The following LRTM1 variants were observed in gnomAD, a reference collection of about 807,000 sequenced individuals.
The protein encoded by LRTM1 is leucine-rich repeat and transmembrane domain-containing protein 1.
In LRTM1, 38 loss-of-function variants were observed where a neutral mutation model predicts 32.4. That is an observed-to-expected ratio of 1.17 (90% CI 0.91 to 1.54). The LOEUF is 1.54. Ranked by LOEUF, LRTM1 falls within the 40% of genes most tolerant of loss-of-function variation. The pLI is 0.00. For synonymous variants in LRTM1, 186 were observed against 169.9 expected (o/e 1.09, Z -0.74); for missense variants, 466 against 415.4 (o/e 1.12, Z -1.06).
intron 1 of LRTM1, among the ~76,000 whole-genome samples, chr3:54,927,611 C>G (rs1435352203): frequency 1.3e-5 from 2 of 149,546 alleles, no homozygotes; most frequent in African/African-American, 5.1e-5. Flanking sequence ...TTCCACTTTT[C>G]CCCCCAAAGG....
At chr3:54,925,768 A>G (rs1313108156) in intron 1 of LRTM1, among the ~76,000 whole-genome samples, 1 of 152,126 alleles carries the variant, frequency 6.6e-6, no homozygotes, top group Non-Finnish European at 1.5e-5. Context: ...CTGAATTTTT[A>G]TTTGTATTTC....
rs113007386 is a variant in LRTM1 at position 54,921,274 on chromosome 3, G to A, written c.605-2382C>T. 5.0e-4 allele frequency among the ~76,000 whole-genome samples: 76 copies of A among 152,196 alleles called. 1 individual carries two copies. The highest frequency in any genetic ancestry group is 1.7e-3 in the African/African-American group (70 of 41,532). On this transcript the variant is annotated intron_variant, in intron 2 of 2. Transcript: ENST00000273286. ...AGCCGTGAAAAACTCCCTTGACCAC[G>A]TTGTGCCTCTGCTTGCTCATCTGGA...
intron 1 of LRTM1, among the ~76,000 whole-genome samples, chr3:54,934,406 GT>G (rs5849064): frequency 0.59 from 89,158 of 151,990 alleles, 26,474 homozygotes; most frequent in East Asian, 0.77. Flanking sequence ...TCATCTCCTT[GT>G]TTTTTTCTTG....
chr3:54,919,876 A>G (rs943079204), intron 2 of LRTM1, among the ~76,000 whole-genome samples: 1 of 152,196 alleles, frequency 6.6e-6, no homozygotes, highest in Admixed American at 6.5e-5. Context: ...CCAGTTCTCC[A>G]TGCTCAGTCC....
At chr3:54,951,570 C>T (rs1047483784) in intron 1 of LRTM1, among the ~76,000 whole-genome samples, 65 of 152,280 alleles carry the variant, frequency 4.3e-4, no homozygotes, top group African/African-American at 1.1e-3. Flanking sequence ...TAGGGGGTGA[C>T]GCAGCCCCAC....
At chr3:54,966,163 C>T (rs1411764311) in intron 1 of LRTM1, among the ~76,000 whole-genome samples, 1 of 152,018 alleles carries the variant, frequency 6.6e-6, no homozygotes, top group Non-Finnish European at 1.5e-5. Context: ...CATCAGGAGA[C>T]TCATGGAAGC....
In LRTM1 at chr3:54,924,657, A is replaced by T; in HGVS notation, c.566T>A (p.Leu189His). Reference sequence around the variant, plus strand: ...TTTCTCCAGCCAGAGTTTAAGACCGAGCAAGTGGCAATTGCATTTCCAGAG... The same window carrying T: ...TTTCTCCAGCCAGAGTTTAAGACCGTGCAAGTGGCAATTGCATTTCCAGAG... ...DNLWKCNCHL[L>H]GLKLWLEKFV... The change falls in exon 2 of 3, where the codon CTC becomes CAC. Residue 189 changes from leucine to histidine, a missense_variant. By Grantham distance (99) the Leu-to-His change is moderately conservative (BLOSUM62 -3). Transcript: ENST00000273286. 6.2e-7 allele frequency: 1 copy of T among 1,614,134 alleles called. No homozygotes were observed. The highest frequency in any genetic ancestry group is 8.5e-7 in the Non-Finnish European group (1 of 1,180,006).
intron 1 of LRTM1, among the ~76,000 whole-genome samples, chr3:54,962,659 G>C (rs975568716): frequency 3.3e-5 from 5 of 152,186 alleles, no homozygotes; most frequent in African/African-American, 1.2e-4. Context: ...CTTAAAACGG[G>C]TTTGCAATCA....
chr3:54,963,800 A>G (rs1301555023), intron 1 of LRTM1, among the ~76,000 whole-genome samples: 2 of 152,278 alleles, frequency 1.3e-5, no homozygotes, highest in East Asian at 1.9e-4. Context: ...CAATACACCT[A>G]TCACCCAGCA....
intron 1 of LRTM1, 83 bp downstream of exon 1, chr3:54,927,822 G>C: frequency 7.0e-7 from 1 of 1,435,254 alleles, no homozygotes; most frequent in Non-Finnish European, 9.8e-7. Context: ...CTTGAAAATA[G>C]ATTTCCCGCA....
At chr3:54,951,873 C>T (rs1027016441) in intron 1 of LRTM1, among the ~76,000 whole-genome samples, 7 of 152,070 alleles carry the variant, frequency 4.6e-5, no homozygotes, top group South Asian at 2.1e-4. Context: ...TTTTTGGAGA[C>T]GGTCTCACTC....
Position 54,923,079 on chromosome 3 carries a change from C to G in LRTM1, c.604+1540G>C, listed in dbSNP as rs574354804. Among the ~76,000 whole-genome samples the G allele has an allele frequency of 4.6e-5, 7 of 152,298 alleles. 1 individual carries two copies. Among genetic ancestry groups the G allele is most frequent in the African/African-American group, 1.7e-4 (7 of 41,562 alleles). On this transcript the variant is annotated intron_variant, in intron 2 of 2. Coordinates refer to ENST00000273286, the MANE Select transcript of LRTM1 (RefSeq NM_020678.4). ...CTTCTCCCTCATCTCCCTGGTTCTTCTTCTGCAGCCTTTCGTCAGTTCTCC... is the reference window on the plus strand; with the variant it reads ...CTTCTCCCTCATCTCCCTGGTTCTTGTTCTGCAGCCTTTCGTCAGTTCTCC...
intron 1 of LRTM1, among the ~76,000 whole-genome samples, chr3:54,947,660 C>T (rs1279907667): frequency 6.6e-6 from 1 of 152,130 alleles, no homozygotes; most frequent in East Asian, 1.9e-4. Flanking sequence ...AATTTTTGCT[C>T]TGGCTATACC....
chr3:54,922,417 G>C (rs1311208965), intron 2 of LRTM1, among the ~76,000 whole-genome samples: 1 of 150,964 alleles, frequency 6.6e-6, no homozygotes, highest in East Asian at 1.9e-4. Context: ...CAATACAATA[G>C]TTCAAGCCAC....
At chr3:54,927,127 T>C (rs150105996) in intron 1 of LRTM1, among the ~76,000 whole-genome samples, 1 of 151,944 alleles carries the variant, frequency 6.6e-6, no homozygotes, top group Non-Finnish European at 1.5e-5. Flanking sequence ...TGATTGATTG[T>C]TTGCTTGCTT....
In LRTM1 at chr3:54,941,023, A is replaced by C. The variant is rs138350065; in HGVS notation, c.-221-15808T>G. Reference sequence around the variant, plus strand: ...AACACATTTAAAACTTGATAAGGCAATCCTGGTATGTTTCCTTTTCTCCAG... The same window carrying C: ...AACACATTTAAAACTTGATAAGGCACTCCTGGTATGTTTCCTTTTCTCCAG... On this transcript the variant is annotated intron_variant, in intron 1 of 2. Transcript: ENST00000493075. 4.6e-3 allele frequency among the ~76,000 whole-genome samples: 700 copies of C among 152,338 alleles called. 11 individuals carry two copies. The highest frequency in any genetic ancestry group is 0.045 in the South Asian group (218 of 4,828).
At position 54,918,729 on chromosome 3, in the gene LRTM1, C is replaced by A. The variant is rs1389174995; in HGVS notation, c.768G>T (p.Arg256Ser). Residue 256 changes from arginine (R) to serine (S), a missense_variant, in exon 3 of 3, where the codon AGG becomes AGT. By Grantham distance (110) the Arg-to-Ser change is moderately radical (BLOSUM62 -1). Coordinates refer to ENST00000273286, the MANE Select transcript of LRTM1 (RefSeq NM_020678.4). ...WPGSAHGVVL[R>S]PPENHNAGER... ...CCCCCGCGTTGTGGTTCTCAGGAGG[C>A]CTCAGGACCACACCGTGGGCAGAGC... 1.2e-6 allele frequency: 2 copies of A among 1,614,154 alleles called. No individual in the cohort carries two copies. The highest frequency in any genetic ancestry group is 1.7e-6 in the Non-Finnish European group (2 of 1,180,022).
At chr3:54,955,103 G>A (rs996614311) in intron 1 of LRTM1, among the ~76,000 whole-genome samples, 12 of 152,248 alleles carry the variant, frequency 7.9e-5, no homozygotes, top group South Asian at 2.1e-4. Context: ...TTATTCGAAC[G>A]TACGTAACAT....
intron 1 of LRTM1, among the ~76,000 whole-genome samples, chr3:54,937,962 A>T (rs571208627): frequency 6.6e-6 from 1 of 152,256 alleles, no homozygotes; most frequent in South Asian, 2.1e-4. Context: ...TCACCATCTG[A>T]CCATAACCAG....
Sources: allele counts gnomAD v4.1 joint callset (sites outside exome capture counted in the v4.1 genomes callset), GRCh38; gene constraint gnomAD v4.1.1; transcripts MANE v1.5; gene names NCBI Gene and HGNC (gene_info 2026-07-23, HGNC 2026-07-21).